Variants in UNC5D observed in about 807,000 individuals in gnomAD.
The protein encoded by UNC5D is netrin receptor UNC5D.
Under a neutral mutation model 105.4 loss-of-function variants are expected in UNC5D, and 39 were observed. The ratio of observed to expected loss-of-function variants is 0.37; its 90% CI spans 0.29 to 0.48. The LOEUF (loss-of-function observed/expected upper bound fraction) is 0.48, where lower values mean the gene tolerates loss of function less well. Ranked by LOEUF, UNC5D falls within the 20% of genes least tolerant of loss-of-function variation. The probability of loss-of-function intolerance (pLI) is 0.98; values close to 1 mark genes in which losing one functional copy is unlikely to be tolerated. For synonymous variants in UNC5D, 452 were observed against 450.4 expected, an observed-to-expected ratio of 1.00 and a Z score of -0.04; for missense variants, 991 against 1,202.4, an observed-to-expected ratio of 0.82 and a Z score of 2.60.
chr8:35,639,104 G>C (rs572649055), intron 4 of UNC5D, among the ~76,000 whole-genome samples: 1 of 152,134 alleles, frequency 6.6e-6, no homozygotes, highest in African/African-American at 2.4e-5. Flanking sequence ...AATATTGTTC[G>C]GATATGATTG....
At chr8:35,722,150 G>T in intron 8 of UNC5D, 60 bp from the exon 9 acceptor site, 2 of 1,569,476 alleles carry the variant, frequency 1.3e-6, no homozygotes, top group Non-Finnish European at 8.7e-7. Flanking sequence ...TTGTATTCCC[G>T]AGTGGTTCTT....
intron 1 of UNC5D, among the ~76,000 whole-genome samples, chr8:35,321,796 A>C (rs968486975): frequency 7.2e-5 from 11 of 152,122 alleles, no homozygotes; most frequent in African/African-American, 1.9e-4. Flanking sequence ...TTCATGTTGC[A>C]AGCACTGCCT....
At chr8:35,561,747 T>C (rs1816982262) in intron 2 of UNC5D, among the ~76,000 whole-genome samples, 1 of 152,144 alleles carries the variant, frequency 6.6e-6, no homozygotes, top group Non-Finnish European at 1.5e-5. Context: ...TTGAACCTAT[T>C]CCTTTTTTTT....
intron 1 of UNC5D, among the ~76,000 whole-genome samples, chr8:35,427,144 T>A (rs1461486187): frequency 6.6e-6 from 1 of 152,142 alleles, no homozygotes; most frequent in Non-Finnish European, 1.5e-5. Context: ...AATTCAGGGT[T>A]CCCCCCAACT....
At chr8:35,646,643 C>G (rs532125800) in intron 4 of UNC5D, among the ~76,000 whole-genome samples, 19 of 151,916 alleles carry the variant, frequency 1.3e-4, no homozygotes, top group Non-Finnish European at 2.8e-4. Flanking sequence ...GCTCCAGACA[C>G]GGGTATATAT....
chr8:35,241,526 AT>A (rs771064028), intron 1 of UNC5D, among the ~76,000 whole-genome samples: 8 of 152,032 alleles, frequency 5.3e-5, no homozygotes, highest in African/African-American at 1.4e-4. Flanking sequence ...AAGTAGTAAC[AT>A]TTTTCAGATG....
intron 8 of UNC5D, among the ~76,000 whole-genome samples, chr8:35,720,248 A>G (rs1381405610): frequency 2.0e-5 from 3 of 152,028 alleles, no homozygotes; most frequent in African/African-American, 7.2e-5. Context: ...GGTCCTTCCT[A>G]TTTTAGTACC....
In UNC5D at chr8:35,790,479, G is replaced by A; in HGVS notation, c.2778G>A (p.Gly926=). Residue 926 remains glycine (G), a synonymous_variant, in exon 17 of 17, where the codon GGG becomes GGA. Transcript: ENST00000404895. ...DSLACALEEI[G]RTHTKLSNIS... ...TGGCCTGTGCCCTTGAAGAGATTGG[G>A]AGGACACACACGAAACTCTCAAACA... 3 of 1,613,902 alleles carry A rather than the reference G, an allele frequency of 1.9e-6. 1 individual carries two copies. In the South Asian group the frequency reaches 3.3e-5, roughly 18 times the overall value.
chr8:35,603,649 A>G (rs970787883), intron 4 of UNC5D, among the ~76,000 whole-genome samples: 7 of 152,092 alleles, frequency 4.6e-5, no homozygotes, highest in Non-Finnish European at 8.8e-5. Context: ...GGGGTGTTAA[A>G]GTCTCCCATT....
intron 4 of UNC5D, among the ~76,000 whole-genome samples, chr8:35,658,906 C>T (rs1823943545): frequency 6.6e-6 from 1 of 152,092 alleles, no homozygotes; most frequent in African/African-American, 2.4e-5. Context: ...CCGCCGGCCT[C>T]GGCCTTCCAA....
intron 3 of UNC5D, among the ~76,000 whole-genome samples, chr8:35,588,597 G>A (rs913903624): frequency 6.6e-6 from 1 of 152,156 alleles, no homozygotes; most frequent in Non-Finnish European, 1.5e-5. Context: ...TAGTCACCCT[G>A]CTAGAGCATA....
intron 1 of UNC5D, among the ~76,000 whole-genome samples, chr8:35,301,050 C>A (rs1467820484): frequency 6.6e-6 from 1 of 152,176 alleles, no homozygotes; most frequent in African/African-American, 2.4e-5. Context: ...CCAGTAGCAA[C>A]AAGCACACCT....
At chr8:35,294,128 C>T (rs1807287723) in intron 1 of UNC5D, among the ~76,000 whole-genome samples, 1 of 152,100 alleles carries the variant, frequency 6.6e-6, no homozygotes, top group Non-Finnish European at 1.5e-5. Flanking sequence ...CTGGTGTTTC[C>T]CTTTTCCTAT....
chr8:35,480,238 A>T (rs187987245), intron 1 of UNC5D, among the ~76,000 whole-genome samples: 165 of 152,346 alleles, frequency 1.1e-3, no homozygotes, highest in Non-Finnish European at 1.8e-3. Context: ...TGTACCTCTA[A>T]TGAAAAGAGA....
At chr8:35,675,386 A>G (rs1240731272) in intron 4 of UNC5D, among the ~76,000 whole-genome samples, 1 of 152,204 alleles carries the variant, frequency 6.6e-6, no homozygotes, top group Non-Finnish European at 1.5e-5. Context: ...ACATCCTTAG[A>G]TGGGAGATAC....
chr8:35,373,272 G>A (rs1034993059), intron 1 of UNC5D, among the ~76,000 whole-genome samples: 4 of 152,178 alleles, frequency 2.6e-5, no homozygotes, highest in African/African-American at 9.7e-5. Context: ...GAAATGGATT[G>A]TGAGTGATTT....
intron 2 of UNC5D, among the ~76,000 whole-genome samples, chr8:35,549,949 G>T (rs1815991059): frequency 7.8e-6 from 1 of 128,090 alleles, no homozygotes; most frequent in East Asian, 2.2e-4. Flanking sequence ...TGGTTTCTGA[G>T]TCCTTTTTTT....
At chr8:35,357,295 T>G (rs1801612062) in intron 1 of UNC5D, among the ~76,000 whole-genome samples, 1 of 152,222 alleles carries the variant, frequency 6.6e-6, no homozygotes, top group Non-Finnish European at 1.5e-5. Flanking sequence ...CAGCTGCTGC[T>G]TTCCTCTGGC....
At chr8:35,410,567 C>T (rs1053798453) in intron 1 of UNC5D, among the ~76,000 whole-genome samples, 4 of 152,084 alleles carry the variant, frequency 2.6e-5, no homozygotes, top group African/African-American at 9.7e-5. Flanking sequence ...ATGCAAAGAA[C>T]ATCTCTTTCA....
Sources: gnomAD v4.1 joint callset for allele counts (sites outside exome capture counted in the v4.1 genomes callset) on GRCh38, gnomAD v4.1.1 for gene constraint, MANE v1.5 for transcripts, NCBI Gene and HGNC (gene_info 2026-07-23, HGNC 2026-07-21) for gene names.